The following INTS2 variants were observed in gnomAD, a reference collection of about 807,000 sequenced individuals.
The protein encoded by INTS2 is integrator complex subunit 2.
In INTS2, 57 loss-of-function variants were observed where a neutral mutation model predicts 139.6. The observed-to-expected ratio is 0.41, with a 90% CI of 0.33 to 0.51. The LOEUF is 0.51. Ranked by LOEUF, INTS2 falls within the 20% of genes least tolerant of loss-of-function variation. INTS2 has a pLI of 0.28. For synonymous variants in INTS2, 473 were observed against 493.4 expected, an observed-to-expected ratio of 0.96 and a Z score of 0.55; for missense variants, 1,196 against 1,436.7, an observed-to-expected ratio of 0.83 and a Z score of 2.71.
At chr17:61,927,596 C>T in intron 1 of INTS2, 58 bp downstream of exon 1, 1 of 1,230,368 alleles carries the variant, frequency 8.1e-7, no homozygotes. Context: ...CAAAGTCTGG[C>T]CAGGCTCCGA....
intron 14 of INTS2, among the ~76,000 whole-genome samples, chr17:61,890,786 AG>A (rs2079283524): frequency 6.6e-6 from 1 of 151,124 alleles, no homozygotes; most frequent in African/African-American, 2.4e-5. Flanking sequence ...ATTACTGGCC[AG>A]GCGCAGTGGC....
intron 8 of INTS2, 140 bp downstream of exon 8, chr17:61,907,268 T>C: frequency 1.5e-6 from 1 of 654,894 alleles, no homozygotes; most frequent in Non-Finnish European, 2.6e-6. Flanking sequence ...TAGGATTTCA[T>C]TCTTCTTACA....
Position 61,897,749 on chromosome 17 carries a change from A to G in INTS2, c.1308-10T>C. On this transcript the variant is annotated splice_polypyrimidine_tract_variant and intron_variant, in intron 9 of 24. Coordinates refer to ENST00000251334, the MANE Select transcript of INTS2 (RefSeq NM_001351695.2). This position sits in a 1 kb window ranked among gnomAD's most constrained non-coding sequence, Gnocchi z 4.4. The stretch of plus-strand genomic sequence containing the variant: ...CTCCTGTTCAGGTGTACTATATAAA[A>G]TATACCAGAATGTCACTGGTTTAAA... The G allele has an allele frequency of 6.4e-7, 1 of 1,567,412 alleles. No homozygotes were observed. The highest frequency in any genetic ancestry group is 1.3e-5 in the African/African-American group (1 of 74,194).
rs1365440946 is a variant in INTS2, at chr17:61,927,935, C to T, written c.-300G>A. 1.2e-6 allele frequency: 2 copies of T among 1,613,896 alleles called. No individual in the cohort carries two copies. The highest frequency in any genetic ancestry group is 1.7e-6 in the Non-Finnish European group (2 of 1,179,904). The stretch of plus-strand genomic sequence containing the variant: ...GACTTTTTCAACCTGCACCCAGCAC[C>T]TTCATTCATCCCCAGCGTCTGACTC... On this transcript the variant is annotated 5_prime_UTR_variant, in exon 1 of 25. Transcript: ENST00000251334.
chr17:61,917,937 G>T (rs1242626999), intron 5 of INTS2, among the ~76,000 whole-genome samples: 10 of 151,858 alleles, frequency 6.6e-5, no homozygotes, highest in Non-Finnish European at 1.3e-4. Flanking sequence ...ATTTTATAAT[G>T]AAAAAAAGGC....
Position 61,870,544 on chromosome 17 carries a change from G to C in INTS2, c.2779-556C>G, listed in dbSNP as rs572922238. Among the ~76,000 whole-genome samples the C allele has an allele frequency of 3.3e-5, 5 of 152,186 alleles. No individual in the cohort carries two copies. The highest frequency in any genetic ancestry group is 1.2e-4 in the African/African-American group (5 of 41,512). ...CTACAGGCTTGAGCATCATTGCACA[G>C]AGCAGTAGCTTGAGGGGTAATGGCA... On this transcript the variant is annotated intron_variant, in intron 20 of 24. Coordinates refer to ENST00000251334, the MANE Select transcript of INTS2 (RefSeq NM_001351695.2). The surrounding 1 kb of genome is among the most constrained non-coding windows in gnomAD (Gnocchi z 4.4).
intron 8 of INTS2, among the ~76,000 whole-genome samples, chr17:61,904,968 A>T (rs1459870242): frequency 6.7e-6 from 1 of 148,416 alleles, no homozygotes; most frequent in African/African-American, 2.5e-5. Context: ...TTTTTTTGAG[A>T]CAAGGTCTTG....
At position 61,927,862 on chromosome 17, in the gene INTS2, G is replaced by A. The variant is rs568361766; in HGVS notation, c.-227C>T. The A allele has an allele frequency of 1.7e-5, 28 of 1,613,842 alleles. No individual in the cohort carries two copies. The Admixed American group carries it at 2.3e-4, about 13-fold the overall frequency. Reference sequence around the variant, plus strand: ...GTCGATACAAAGTGGGAAGGATGGGGGCACCACACAAAGGCAGAACCGGGA... The same window carrying A: ...GTCGATACAAAGTGGGAAGGATGGGAGCACCACACAAAGGCAGAACCGGGA... On this transcript the variant is annotated 5_prime_UTR_variant, in exon 1 of 25. Coordinates refer to ENST00000251334, the MANE Select transcript of INTS2 (RefSeq NM_001351695.2).
intron 7 of INTS2, chr17:61,911,307 A>T (rs2079524083): frequency 2.2e-6 from 1 of 454,420 alleles, no homozygotes; most frequent in Non-Finnish European, 3.8e-6. Flanking sequence ...TTTAAGTGTT[A>T]ATTTCTAATA....
rs375337389 is a variant in INTS2 at position 61,872,396 on chromosome 17, A to G, written c.2647T>C (p.Tyr883His). The G allele has an allele frequency of 3.4e-5, 54 of 1,611,390 alleles. No individual in the cohort carries two copies. The highest frequency in any genetic ancestry group is 4.6e-5 in the Non-Finnish European group (54 of 1,178,064). ...GTTTCCTTCAGATGAGCACTAAGGT[A>G]GGCTTTAGATGCAAGAAGATATCCA... Reference protein sequence around the residue: ...LNGYLLASKAYLSAHLKETEQ... With the variant: ...LNGYLLASKAHLSAHLKETEQ... The change falls in exon 20 of 25, where the codon TAC becomes CAC. Residue 883 changes from tyrosine (Y) to histidine (H), a missense_variant. By Grantham distance (83) the Tyr-to-His change is moderately conservative (BLOSUM62 2). Transcript: ENST00000251334. The surrounding 1 kb of genome is among the most constrained non-coding windows in gnomAD (Gnocchi z 4.8).
chr17:61,892,754 G>T (rs1486610907), intron 13 of INTS2, among the ~76,000 whole-genome samples: 1 of 151,318 alleles, frequency 6.6e-6, no homozygotes, highest in Non-Finnish European at 1.5e-5. Flanking sequence ...AGACCAGCCT[G>T]GCCAACATGG....
chr17:61,892,991 C>CT (rs146020993), intron 13 of INTS2, among the ~76,000 whole-genome samples: 26,803 of 142,818 alleles, frequency 0.19, 3,023 homozygotes, highest in Admixed American at 0.3. Context: ...GGAGTGGTGG[C>CT]TCGCACCTGT....
rs531543660 is a variant in INTS2, at chr17:61,876,170, A to G, written c.2457-1132T>C. Among the ~76,000 whole-genome samples the G allele has an allele frequency of 6.6e-6, 1 of 152,328 alleles. No individual in the cohort carries two copies. Among genetic ancestry groups the G allele is most frequent in the African/African-American group, 2.4e-5 (1 of 41,570 alleles). ...GTGACAAAGCAAGACCCTGTATCTA[A>G]AAAGTAAAAATAAAAAATAATTTTT... On this transcript the variant is annotated intron_variant, in intron 18 of 24. Coordinates refer to ENST00000251334, the MANE Select transcript of INTS2 (RefSeq NM_001351695.2). The surrounding 1 kb of genome is among the most constrained non-coding windows in gnomAD (Gnocchi z 4.1).
At position 61,876,277 on chromosome 17, in the gene INTS2, T is replaced by C. The variant is rs2079126261; in HGVS notation, c.2457-1239A>G. ...ATTCAGCATCTCAAAAAAGTTAAGT[T>C]TACCACACTCTCTTTCTCAGGAAGC... On this transcript the variant is annotated intron_variant, in intron 18 of 24. Transcript: ENST00000251334. The surrounding 1 kb of genome is among the most constrained non-coding windows in gnomAD (Gnocchi z 4.1). Among the ~76,000 whole-genome samples the C allele has an allele frequency of 6.6e-6, 1 of 152,160 alleles. No homozygotes were observed. The highest frequency in any genetic ancestry group is 1.9e-4 in the East Asian group (1 of 5,196).
chr17:61,879,815 A>G (rs1425994657), intron 17 of INTS2, among the ~76,000 whole-genome samples: 1 of 152,168 alleles, frequency 6.6e-6, no homozygotes, highest in Non-Finnish European at 1.5e-5. Context: ...AGTCCAGAGT[A>G]GGCAACAGAA....
intron 15 of INTS2, among the ~76,000 whole-genome samples, chr17:61,888,622 G>C (rs567541805): frequency 6.6e-6 from 1 of 151,678 alleles, no homozygotes; most frequent in South Asian, 2.1e-4. Context: ...TTCCAGGCTG[G>C]TGTCAAACTC....
intron 1 of INTS2, 54 bp from the exon 2 acceptor site, chr17:61,926,716 A>C: frequency 7.1e-7 from 1 of 1,412,448 alleles, no homozygotes; most frequent in Non-Finnish European, 9.8e-7. Context: ...ATGTATGAAC[A>C]CCCAACTTTC....
rs372417898 is a variant in INTS2, at chr17:61,874,985, T to G, written c.2510A>C (p.Gln837Pro). 1.3e-5 allele frequency: 21 copies of G among 1,598,010 alleles called. No individual in the cohort carries two copies. The highest frequency in any genetic ancestry group is 1.8e-5 in the Non-Finnish European group (21 of 1,171,240). ...ALQPSIKFVR[Q>P]QKYTQNDLMI... ...CAGGTCATTCTGAGTATACTTTTGT[T>G]GTCGTACAAACTTTATTGAAGGCTG... Residue 837 changes from glutamine (Q) to proline (P), a missense_variant, in exon 19 of 25, where the codon CAA becomes CCA. Gln to Pro is a moderately conservative substitution (Grantham distance 76). Around this residue, in one of 3 missense-constraint regions of INTS2, gnomAD observed 1,129 missense variants for 1,341.9 expected, o/e 0.84. Coordinates refer to ENST00000251334, the MANE Select transcript of INTS2 (RefSeq NM_001351695.2).
Position 61,895,350 on chromosome 17 carries a change from T to C in INTS2, c.1528A>G (p.Lys510Glu). 5.0e-6 allele frequency: 8 copies of C among 1,585,012 alleles called. No individual in the cohort carries two copies. Among genetic ancestry groups the C allele is most frequent in the Non-Finnish European group, 6.8e-6 (8 of 1,169,952 alleles). The change falls in exon 12 of 25, where the codon AAG becomes GAG. Residue 510 changes from lysine (K) to glutamate (E), a missense_variant. Physicochemically the swap from Lys to Glu is moderately conservative, Grantham distance 56. Coordinates refer to ENST00000251334, the MANE Select transcript of INTS2 (RefSeq NM_001351695.2). The part of the protein sequence containing the change: ...VIKPSSLSRM[K>E]TIFTQEIFTE... ...AAAATTTCCTGTGTGAAGATTGTCT[T>C]CATCCTGCTCAAGGAGCTTGGCTTA...
Sources: gnomAD v4.1 joint callset for allele counts (sites outside exome capture counted in the v4.1 genomes callset) on GRCh38, gnomAD v4.1.1 for gene constraint, gnomAD v4.1.1 regional missense constraint, Gnocchi (gnomAD v3.1) non-coding constraint, MANE v1.5 for transcripts, NCBI Gene and HGNC (gene_info 2026-07-23, HGNC 2026-07-21) for gene names.